NFYC: variants seen among roughly 807,000 people sequenced by gnomAD.
The protein encoded by NFYC is CAAT box DNA-binding protein subunit C.
A neutral mutation model predicts 53.1 loss-of-function variants in NFYC; 25 were observed. The observed-to-expected ratio is 0.47, with a 90% confidence interval of 0.34 to 0.66. The LOEUF (loss-of-function observed/expected upper bound fraction) is 0.66. Among genes scored for constraint, NFYC ranks in the 30% least tolerant of loss-of-function variants. The pLI is 0.01. For missense variants in NFYC, 260 were observed against 422.7 expected (o/e 0.62, Z 3.38); for synonymous variants, 145 against 152.6 (o/e 0.95, Z 0.37).
At chr1:40,756,195 T>C (rs1169824809) in intron 5 of NFYC, among the ~76,000 whole-genome samples, 3 of 152,244 alleles carry the variant, frequency 2.0e-5, no homozygotes, top group Admixed American at 6.5e-5. Context: ...TGGCTTCTGT[T>C]TCTTGGCTGC....
In NFYC at chr1:40,766,639, A is replaced by G. The variant is rs1646824598; in HGVS notation, c.764A>G (p.Gln255Arg). ...AGQLQYIRLAQPVSGTQVVQG... is the reference protein window; with the variant it reads ...AGQLQYIRLARPVSGTQVVQG... Reference sequence around the variant, plus strand: ...CAGCTGCAGTATATCCGCTTAGCCCAGCCTGTATCAGGCACTCAAGTTGTG... The same window carrying G: ...CAGCTGCAGTATATCCGCTTAGCCCGGCCTGTATCAGGCACTCAAGTTGTG... Residue 255 changes from glutamine to arginine, a missense_variant, in exon 8 of 10, where the codon CAG becomes CGG. Physicochemically the swap from Gln to Arg is conservative, Grantham distance 43. Coordinates refer to ENST00000447388, the MANE Select transcript of NFYC (RefSeq NM_014223.5). 1.2e-6 allele frequency: 2 copies of G among 1,614,026 alleles called. No homozygotes were observed. Among genetic ancestry groups the G allele is most frequent in the African/African-American group, 1.3e-5 (1 of 74,910 alleles).
intron 1 of NFYC, chr1:40,735,265 A>C (rs1461367730): frequency 1.3e-5 from 2 of 148,650 alleles, no homozygotes; most frequent in Non-Finnish European, 3.0e-5. Context: ...CGCTTTACCT[A>C]TTTGGGATTT....
Position 40,770,696 on chromosome 1 carries a change from C to T in NFYC, c.889-13C>T. ...CAGGGATGACCTCACTCTCTCCTCT[C>T]CACCCCTCGCAGCAGCTCTACCAGA... On this transcript the variant is annotated splice_polypyrimidine_tract_variant and intron_variant, in intron 9 of 9. Coordinates refer to ENST00000447388, the MANE Select transcript of NFYC (RefSeq NM_014223.5). The surrounding 1 kb of genome is among the most constrained non-coding windows in gnomAD (Gnocchi z 5.3). 1.9e-6 allele frequency: 3 copies of T among 1,614,186 alleles called. No individual in the cohort carries two copies. The highest frequency in any genetic ancestry group is 2.5e-6 in the Non-Finnish European group (3 of 1,180,034).
intron 1 of NFYC, among the ~76,000 whole-genome samples, chr1:40,704,773 T>G (rs1643614151): frequency 6.6e-6 from 1 of 152,140 alleles, no homozygotes; most frequent in Non-Finnish European, 1.5e-5. Context: ...AGACATTTGG[T>G]GGGATTAGTG....
intron 1 of NFYC, among the ~76,000 whole-genome samples, chr1:40,720,470 ACTGCACAAAGGTTAC>A: frequency 6.6e-6 from 1 of 152,300 alleles, no homozygotes; most frequent in South Asian, 2.1e-4. Context: ...CCATTGGATT[ACTGCACAAAGGTTAC>A]TGCACAACTG....
intron 6 of NFYC, among the ~76,000 whole-genome samples, chr1:40,761,063 A>G (rs1354469269): frequency 6.6e-6 from 1 of 152,232 alleles, no homozygotes; most frequent in East Asian, 1.9e-4. Flanking sequence ...AGCAGGGCAC[A>G]CCATACATGA....
chr1:40,747,897 G>A (rs1355043226), intron 3 of NFYC, among the ~76,000 whole-genome samples: 4 of 148,778 alleles, frequency 2.7e-5, no homozygotes, highest in Admixed American at 6.7e-5. Flanking sequence ...GTGCAGTGGT[G>A]CGAGCTTAGC....
At chr1:40,763,852 A>G (rs1415629932) in intron 7 of NFYC, among the ~76,000 whole-genome samples, 2 of 152,226 alleles carry the variant, frequency 1.3e-5, no homozygotes, top group Non-Finnish European at 2.9e-5. Flanking sequence ...TACCCATGCC[A>G]AGGCCCAAAG....
At chr1:40,714,407 A>G (rs1395845325) in intron 1 of NFYC, among the ~76,000 whole-genome samples, 3 of 152,264 alleles carry the variant, frequency 2.0e-5, no homozygotes, top group South Asian at 4.1e-4. Context: ...ATATTCTTTG[A>G]TAGACCATGA....
At chr1:40,731,261 A>G (rs955400000) in intron 1 of NFYC, among the ~76,000 whole-genome samples, 26 of 151,620 alleles carry the variant, frequency 1.7e-4, no homozygotes, top group African/African-American at 6.1e-4. Context: ...TGCAACCTCC[A>G]CCTCCTGGGT....
At chr1:40,705,442 C>G (rs949288645) in intron 1 of NFYC, among the ~76,000 whole-genome samples, 1 of 152,328 alleles carries the variant, frequency 6.6e-6, no homozygotes, top group Middle Eastern at 3.4e-3. Flanking sequence ...AATCTGTAAT[C>G]TAAACTTTTG....
At chr1:40,728,677 A>C (rs1451798576) in intron 1 of NFYC, among the ~76,000 whole-genome samples, 1 of 151,936 alleles carries the variant, frequency 6.6e-6, no homozygotes, top group Non-Finnish European at 1.5e-5. Flanking sequence ...TCGCTGTGCT[A>C]CCCAGGCTGG....
intron 1 of NFYC, chr1:40,735,886 A>G (rs1325177373): frequency 2.7e-6 from 1 of 376,170 alleles, no homozygotes; most frequent in Non-Finnish European, 3.7e-6. Flanking sequence ...ATTAATAATG[A>G]TAAATAACTA....
intron 1 of NFYC, among the ~76,000 whole-genome samples, chr1:40,697,506 C>G (rs1643213365): frequency 6.6e-6 from 1 of 152,106 alleles, no homozygotes; most frequent in Non-Finnish European, 1.5e-5. Context: ...TTTGTTCATC[C>G]CCAAGTGTTG....
intron 1 of NFYC, among the ~76,000 whole-genome samples, chr1:40,695,388 G>A (rs954221188): frequency 6.6e-6 from 1 of 152,192 alleles, no homozygotes; most frequent in Non-Finnish European, 1.5e-5. Context: ...CCCATTCTGT[G>A]CTATGGAGCT....
intron 1 of NFYC, among the ~76,000 whole-genome samples, chr1:40,711,708 T>C (rs561786064): frequency 1.3e-4 from 20 of 152,350 alleles, no homozygotes; most frequent in African/African-American, 4.6e-4. Context: ...AAATGTTTAC[T>C]AGACAAATGA....
intron 8 of NFYC, chr1:40,767,064 T>G: frequency 8.2e-7 from 1 of 1,223,390 alleles, no homozygotes; most frequent in Non-Finnish European, 1.2e-6. Context: ...GCTGTTGTGT[T>G]CTGGCACCTC....
At position 40,770,908 on chromosome 1, in the gene NFYC, C is replaced by A; in HGVS notation, c.*80C>A. On this transcript the variant is annotated 3_prime_UTR_variant, in exon 10 of 10. Transcript: ENST00000447388. This position sits in a 1 kb window ranked among gnomAD's most constrained non-coding sequence, Gnocchi z 5.3. ...CAGGCAATGGGCACAGCCTTCCTCC[C>A]CAGAGGACCCGGCCGACCTCAGCGC... The A allele has an allele frequency of 6.7e-7, 1 of 1,500,214 alleles. No homozygotes were observed. The highest frequency in any genetic ancestry group is 1.2e-5 in the South Asian group (1 of 83,568). The allele number at this position is 1,500,214 out of a possible 1,614,324, so 92.9% of individuals were successfully genotyped here.
At chr1:40,694,098 T>C (rs763574422) in intron 1 of NFYC, among the ~76,000 whole-genome samples, 20 of 152,236 alleles carry the variant, frequency 1.3e-4, no homozygotes, top group Admixed American at 2.6e-4. Context: ...TTGCAGATAG[T>C]CTTTCTGTAT....
Sources: allele counts gnomAD v4.1 joint callset (sites outside exome capture counted in the v4.1 genomes callset), GRCh38; gene constraint gnomAD v4.1.1; non-coding constraint Gnocchi (gnomAD v3.1); transcripts MANE v1.5; gene names NCBI Gene and HGNC (gene_info 2026-07-23, HGNC 2026-07-21).